MSRB3: variants seen among roughly 807,000 people sequenced by gnomAD.
The protein encoded by MSRB3 is methionine sulfoxide reductase B3.
MSRB3 carries 13 observed loss-of-function variants against 21.0 expected under a neutral mutation model. That is an observed-to-expected ratio of 0.62 (90% CI 0.40 to 0.98). The LOEUF (loss-of-function observed/expected upper bound fraction) is 0.98. Ranked by LOEUF, MSRB3 falls within the 50% of genes least tolerant of loss-of-function variation. MSRB3 has a pLI of 0.00. For synonymous variants in MSRB3, 87 were observed against 88.6 expected (o/e 0.98, Z 0.10); for missense variants, 199 against 230.3 (o/e 0.86, Z 0.88).
intron 4 of MSRB3, among the ~76,000 whole-genome samples, chr12:65,339,915 A>C (rs765740870): frequency 6.6e-6 from 1 of 152,228 alleles, no homozygotes; most frequent in Non-Finnish European, 1.5e-5. Flanking sequence ...ATCAGAGGAT[A>C]GGATGAACCC....
At chr12:65,346,606 A>C (rs537003679) in intron 4 of MSRB3, among the ~76,000 whole-genome samples, 2 of 151,716 alleles carry the variant, frequency 1.3e-5, no homozygotes, top group Non-Finnish European at 2.9e-5. Flanking sequence ...CCCATTTGTC[A>C]ATTTTGGCTT....
chr12:65,302,275 A>G (rs2136413074), intron 1 of MSRB3, among the ~76,000 whole-genome samples: 1 of 152,284 alleles, frequency 6.6e-6, no homozygotes, highest in East Asian at 1.9e-4. Flanking sequence ...AGATGAAAGA[A>G]TACAAATAAA....
At chr12:65,304,937 A>G (rs1285354137) in intron 1 of MSRB3, among the ~76,000 whole-genome samples, 1 of 152,242 alleles carries the variant, frequency 6.6e-6, no homozygotes, top group African/African-American at 2.4e-5. Context: ...AGGTATTTCC[A>G]AAGAATTTAA....
intron 4 of MSRB3, among the ~76,000 whole-genome samples, chr12:65,331,370 C>A (rs977641518): frequency 2.0e-5 from 3 of 152,084 alleles, no homozygotes; most frequent in African/African-American, 7.2e-5. Flanking sequence ...ATCATGACTC[C>A]TAGGAACTGA....
chr12:65,330,734 C>T (rs932041297), intron 4 of MSRB3, among the ~76,000 whole-genome samples: 5 of 152,086 alleles, frequency 3.3e-5, no homozygotes, highest in Non-Finnish European at 7.4e-5. Context: ...TAAAGAGACT[C>T]GAAAGCAAGG....
At chr12:65,328,461 A>C in intron 3 of MSRB3, 65 bp from the exon 4 acceptor site, 1 of 1,143,272 alleles carries the variant, frequency 8.7e-7, no homozygotes, top group South Asian at 1.2e-5. Flanking sequence ...ATATATTTTA[A>C]GCAAATACAT....
chr12:65,314,667 T>C (rs1319625799), intron 2 of MSRB3, among the ~76,000 whole-genome samples: 3 of 152,120 alleles, frequency 2.0e-5, no homozygotes, highest in Non-Finnish European at 2.9e-5. Context: ...CTTGATTTTC[T>C]GGTAAATATG....
chr12:65,328,704 CTGTT>C (rs1875217633), intron 4 of MSRB3, 101 bp downstream of exon 4: 1 of 837,906 alleles, frequency 1.2e-6, no homozygotes, highest in Non-Finnish European at 2.0e-6. Flanking sequence ...GAATTTTCTT[CTGTT>C]TGTTTTTCTA....
chr12:65,343,029 A>G (rs1049770638), intron 4 of MSRB3, among the ~76,000 whole-genome samples: 2 of 152,110 alleles, frequency 1.3e-5, no homozygotes, highest in Non-Finnish European at 2.9e-5. Context: ...AGGGTATCAG[A>G]AAAACACTAA....
intron 5 of MSRB3, among the ~76,000 whole-genome samples, chr12:65,427,955 G>A (rs943590452): frequency 1.3e-5 from 2 of 152,198 alleles, no homozygotes; most frequent in Non-Finnish European, 2.9e-5. Flanking sequence ...ACCCAGTGCA[G>A]CCACAGGACC....
chr12:65,426,872 C>T (rs1881626003), intron 5 of MSRB3, among the ~76,000 whole-genome samples: 4 of 151,804 alleles, frequency 2.6e-5, no homozygotes. Flanking sequence ...TTTTTGGCTC[C>T]CTAATTTCTT....
intron 1 of MSRB3, among the ~76,000 whole-genome samples, chr12:65,303,141 A>C (rs1297875891): frequency 6.6e-6 from 1 of 152,058 alleles, no homozygotes; most frequent in East Asian, 1.9e-4. Flanking sequence ...TTCCTTTGGC[A>C]TTTATTGGGA....
chr12:65,380,604 G>A (rs533910151), intron 5 of MSRB3, among the ~76,000 whole-genome samples: 2 of 152,052 alleles, frequency 1.3e-5, no homozygotes, highest in African/African-American at 4.8e-5. Flanking sequence ...ACTTAACTCT[G>A]TGGCCAATAA....
At chr12:65,298,330 TACAG>T (rs1293378182) in intron 1 of MSRB3, among the ~76,000 whole-genome samples, 1 of 152,172 alleles carries the variant, frequency 6.6e-6, no homozygotes, top group Non-Finnish European at 1.5e-5. Context: ...AACAAAGAAA[TACAG>T]ACAGAATAAT....
At chr12:65,365,610 A>G (rs540560015) in intron 4 of MSRB3, among the ~76,000 whole-genome samples, 12 of 152,254 alleles carry the variant, frequency 7.9e-5, no homozygotes, top group African/African-American at 2.9e-4. Flanking sequence ...TTACATGGTG[A>G]CTTATTACTA....
chr12:65,386,566 G>C (rs1353900935), intron 5 of MSRB3, among the ~76,000 whole-genome samples: 5 of 151,872 alleles, frequency 3.3e-5, no homozygotes, highest in Non-Finnish European at 7.4e-5. Flanking sequence ...TACTTCATAG[G>C]CATCTTTTCC....
At chr12:65,347,622 G>A (rs544468488) in intron 4 of MSRB3, among the ~76,000 whole-genome samples, 1 of 152,268 alleles carries the variant, frequency 6.6e-6, no homozygotes, top group East Asian at 1.9e-4. Flanking sequence ...CCAACACTAT[G>A]TTGAATAGGA....
chr12:65,350,599 A>T (rs979057978), intron 4 of MSRB3, among the ~76,000 whole-genome samples: 12 of 150,786 alleles, frequency 8.0e-5, no homozygotes, highest in African/African-American at 3.0e-4. Flanking sequence ...TAGGCTCAAA[A>T]TTAAAGGATG....
chr12:65,405,942 A>C (rs12303566), intron 5 of MSRB3, among the ~76,000 whole-genome samples: 2,226 of 151,882 alleles, frequency 0.015, 51 homozygotes, highest in African/African-American at 0.051. Flanking sequence ...TTATTTTCTT[A>C]TTTGAGTTTT....
Sources: gnomAD v4.1 joint callset for allele counts (sites outside exome capture counted in the v4.1 genomes callset) on GRCh38, gnomAD v4.1.1 for gene constraint, MANE v1.5 for transcripts, NCBI Gene and HGNC (gene_info 2026-07-23, HGNC 2026-07-21) for gene names.